The following CEPT1 variants were observed in gnomAD, a reference collection of about 807,000 sequenced individuals.
CEPT1 encodes choline/ethanolaminephosphotransferase 1.
Under a neutral mutation model 42.6 loss-of-function variants are expected in CEPT1, and 7 were observed. That is an observed-to-expected ratio of 0.16 (90% CI 0.09 to 0.31). The LOEUF is 0.31. CEPT1 is among the 10% of genes least tolerant of loss of function. The probability of loss-of-function intolerance (pLI) is 1.00; values close to 1 mark genes in which losing one functional copy is unlikely to be tolerated. For missense variants in CEPT1, 306 were observed against 502.1 expected, an observed-to-expected ratio of 0.61 and a Z score of 3.73; for synonymous variants, 171 against 171.9, an observed-to-expected ratio of 0.99 and a Z score of 0.04.
chr1:111,177,165 G>A (rs1338003334), intron 5 of CEPT1, among the ~76,000 whole-genome samples: 2 of 152,194 alleles, frequency 1.3e-5, no homozygotes, highest in Non-Finnish European at 2.9e-5. Context: ...CCCATGTCGG[G>A]CATTGGGGAG....
At chr1:111,167,131 A>G in intron 4 of CEPT1, 4 of 985,360 alleles carry the variant, frequency 4.1e-6, no homozygotes, top group South Asian at 4.7e-5. Flanking sequence ...GTCCCAGATC[A>G]TAATTATAAT....
Position 111,159,388 on chromosome 1 carries a change from G to A in CEPT1, c.348G>A (p.Leu116=). ...YCPTATEQAP[L]WAYIACACGL... is the part of the protein sequence containing the mutation. ...CTTATTTTATTTCACAGGCACCTCT[G>A]TGGGCATATATTGCTTGTGCCTGTG... Residue 116 remains leucine, a synonymous_variant, in exon 3 of 9, where the codon CTG becomes CTA. Coordinates refer to ENST00000357172, the MANE Select transcript of CEPT1 (RefSeq NM_006090.5). The A allele has an allele frequency of 6.2e-7, 1 of 1,610,998 alleles. No individual in the cohort carries two copies. Among genetic ancestry groups the A allele is most frequent in the Non-Finnish European group, 8.5e-7 (1 of 1,179,118 alleles).
rs540224097 is a variant in CEPT1, at chr1:111,184,496, G to C, written c.*186G>C. On this transcript the variant is annotated 3_prime_UTR_variant, in exon 9 of 9. Transcript: ENST00000357172. ...GAATGGGAATTTCAAGTCCCATCTT[G>C]TAAATTGTATATGTTGTCATGCAGG... The C allele has an allele frequency of 2.1e-6, 1 of 476,608 alleles. No homozygotes were observed. The highest frequency in any genetic ancestry group is 2.0e-5 in the African/African-American group (1 of 50,178). 29.5% of individuals were successfully genotyped at this position (476,608 alleles called of 1,614,324 possible). A position where few individuals can be genotyped will look rare whatever the true frequency, so the allele number is the denominator to read the frequency against.
intron 4 of CEPT1, 103 bp from the exon 5 acceptor site, chr1:111,174,776 T>G (rs1179552208): frequency 1.6e-6 from 1 of 615,148 alleles, no homozygotes; most frequent in Non-Finnish European, 2.8e-6. Context: ...TGAGATTTTT[T>G]TTTTCTATTG....
chr1:111,154,523 A>C (rs1655457032), intron 2 of CEPT1, among the ~76,000 whole-genome samples: 1 of 152,132 alleles, frequency 6.6e-6, no homozygotes, highest in Non-Finnish European at 1.5e-5. Flanking sequence ...GACTTCCAGT[A>C]CTATGTTGAG....
chr1:111,153,832 TATC>T (rs1655413000), intron 2 of CEPT1, among the ~76,000 whole-genome samples: 1 of 152,362 alleles, frequency 6.6e-6, no homozygotes, highest in East Asian at 1.9e-4. Context: ...TTTATACCAA[TATC>T]ATGCTGTTTT....
At chr1:111,144,435 A>G (rs979581194) in intron 1 of CEPT1, among the ~76,000 whole-genome samples, 1 of 152,204 alleles carries the variant, frequency 6.6e-6, no homozygotes, top group Non-Finnish European at 1.5e-5. Context: ...TCAAAAACTC[A>G]TTGCCTCTTT....
intron 1 of CEPT1, among the ~76,000 whole-genome samples, chr1:111,146,031 T>C (rs1397561225): frequency 1.3e-5 from 2 of 152,102 alleles, no homozygotes; most frequent in Non-Finnish European, 2.9e-5. Flanking sequence ...AACCAGAAGA[T>C]CAAAACATAC....
intron 3 of CEPT1, 60 bp downstream of exon 3, chr1:111,159,587 C>A: frequency 7.3e-7 from 1 of 1,377,080 alleles, no homozygotes; most frequent in Non-Finnish European, 1.0e-6. Context: ...GTGTGCTAAG[C>A]AGTGTTAGAA....
chr1:111,182,934 G>A lies in CEPT1; in HGVS notation c.982G>A (p.Ala328Thr). The A allele has an allele frequency of 6.2e-7, 1 of 1,612,830 alleles. No individual in the cohort carries two copies. Among genetic ancestry groups the A allele is most frequent in the Non-Finnish European group, 8.5e-7 (1 of 1,179,432 alleles). The stretch of plus-strand genomic sequence containing the variant: ...TATACTGACATTTGGTTTTGTGTCT[G>A]CTAAAATCACTAATAAGCTTGTGGT... ...LYILTFGFVS[A>T]KITNKLVVAH... Residue 328 changes from alanine (A) to threonine (T), a missense_variant, in exon 7 of 9, where the codon GCT becomes ACT. Transcript: ENST00000357172.
intron 7 of CEPT1, 106 bp downstream of exon 7, chr1:111,183,063 C>T: frequency 8.8e-7 from 1 of 1,134,504 alleles, no homozygotes. Context: ...TAGAGTTTGC[C>T]CTCTTCTAAT....
At chr1:111,149,009 C>T (rs527917603) in intron 2 of CEPT1, among the ~76,000 whole-genome samples, 1 of 152,244 alleles carries the variant, frequency 6.6e-6, no homozygotes, top group East Asian at 1.9e-4. Context: ...TTTAAGTAAT[C>T]TTCTCAGATT....
intron 8 of CEPT1, 37 bp downstream of exon 8, chr1:111,183,624 G>A (rs762850243): frequency 1.4e-5 from 22 of 1,571,222 alleles, no homozygotes; most frequent in Middle Eastern, 4.1e-4. Flanking sequence ...ATGGTTTGAG[G>A]GTTTGAAGGT....
chr1:111,185,047 A>T lies in CEPT1; in HGVS notation c.*737A>T, dbSNP rs185315561. 1,622 of 152,560 alleles carry T rather than the reference A, an allele frequency of 0.011. 13 individuals carry two copies. Among genetic ancestry groups the T allele is most frequent in the Non-Finnish European group, 0.014 (981 of 67,978 alleles). 9.5% of individuals were successfully genotyped at this position (152,560 alleles called of 1,614,324 possible). On this transcript the variant is annotated 3_prime_UTR_variant, in exon 9 of 9. Transcript: ENST00000357172. ...AACTAAGTTTTAATGTTATTTTTTTAAATTTAAGCAAAATTTATTTCTGTT... is the reference window on the plus strand; with the variant it reads ...AACTAAGTTTTAATGTTATTTTTTTTAATTTAAGCAAAATTTATTTCTGTT...
At chr1:111,172,437 A>G (rs1282128020) in intron 4 of CEPT1, among the ~76,000 whole-genome samples, 1 of 152,144 alleles carries the variant, frequency 6.6e-6, no homozygotes, top group Non-Finnish European at 1.5e-5. Flanking sequence ...CCCTTATATA[A>G]TATTCTGTCC....
At chr1:111,175,643 G>C (rs559579844) in intron 5 of CEPT1, among the ~76,000 whole-genome samples, 21 of 152,264 alleles carry the variant, frequency 1.4e-4, no homozygotes, top group African/African-American at 4.1e-4. Context: ...TGTAACATGA[G>C]GTCATTAGTA....
intron 2 of CEPT1, among the ~76,000 whole-genome samples, chr1:111,149,311 G>A (rs184626986): frequency 5.8e-5 from 8 of 137,506 alleles, no homozygotes; most frequent in African/African-American, 2.0e-4. Flanking sequence ...CACCCAGGCT[G>A]GAGTGCAATG....
At chr1:111,153,259 CATG>C (rs1655383788) in intron 2 of CEPT1, among the ~76,000 whole-genome samples, 2 of 152,108 alleles carry the variant, frequency 1.3e-5, no homozygotes, top group African/African-American at 2.4e-5. Flanking sequence ...TTTCACTTAA[CATG>C]ATGTCTTCCA....
At position 111,161,071 on chromosome 1, in the gene CEPT1, C is replaced by T. The variant is rs1270243434; in HGVS notation, c.488-84C>T. ...AGAAGATTATGCATTTACAGCATAT[C>T]TTTTTGTCTCATCTAAAATCATTTC... On this transcript the variant is annotated intron_variant, in intron 3 of 8. Transcript: ENST00000357172. 86 of 1,407,978 alleles carry T rather than the reference C, an allele frequency of 6.1e-5. No homozygotes were observed. In the Middle Eastern group the frequency reaches 7.0e-4, roughly 11 times the overall value. The allele number at this position is 1,407,978 out of a possible 1,614,324, so 87.2% of individuals were successfully genotyped here. A position where few individuals can be genotyped will look rare whatever the true frequency, so the allele number is the denominator to read the frequency against.
Sources: allele counts gnomAD v4.1 joint callset (sites outside exome capture counted in the v4.1 genomes callset), GRCh38; gene constraint gnomAD v4.1.1; transcripts MANE v1.5; gene names NCBI Gene and HGNC (gene_info 2026-07-23, HGNC 2026-07-21).